The following MTMR10 variants were observed in gnomAD, a reference collection of about 807,000 sequenced individuals.
The protein encoded by MTMR10 is myotubularin-related protein 10.
In MTMR10, 56 loss-of-function variants were observed where a neutral mutation model predicts 88.1. The observed-to-expected ratio is 0.64, with a 90% CI of 0.51 to 0.79. The LOEUF (loss-of-function observed/expected upper bound fraction) is 0.79. Ranked by LOEUF, MTMR10 falls within the 30% of genes least tolerant of loss-of-function variation. The pLI, the probability that MTMR10 is intolerant of heterozygous loss-of-function variation, is 0.00. For synonymous variants in MTMR10, 380 were observed against 340.9 expected, an observed-to-expected ratio of 1.11 and a Z score of -1.26; for missense variants, 883 against 924.7, an observed-to-expected ratio of 0.95 and a Z score of 0.58.
intron 2 of MTMR10, among the ~76,000 whole-genome samples, chr15:30,985,039 A>G (rs548960298): frequency 2.0e-5 from 3 of 152,352 alleles, no homozygotes; most frequent in Admixed American, 1.3e-4. Context: ...CATCAAGCAC[A>G]CACTCAATAC....
At chr15:30,946,606 A>C in intron 14 of MTMR10, 9 of 633,720 alleles carry the variant, frequency 1.4e-5, no homozygotes, top group Non-Finnish European at 2.5e-5. Flanking sequence ...GGCATTTGTC[A>C]GCTTCTGTTG....
At chr15:30,980,386 A>C (rs957681502) in intron 2 of MTMR10, among the ~76,000 whole-genome samples, 2 of 152,238 alleles carry the variant, frequency 1.3e-5, no homozygotes, top group African/African-American at 4.8e-5. Context: ...AAAAAGCAAA[A>C]GCAAGAATTT....
intron 13 of MTMR10, among the ~76,000 whole-genome samples, chr15:30,947,959 C>T (rs890621279): frequency 2.0e-5 from 3 of 152,176 alleles, no homozygotes; most frequent in African/African-American, 7.2e-5. Flanking sequence ...TTCATCTTAA[C>T]CTATGTATCC....
At chr15:30,926,983 C>T in the MTMR10 span, 3 of 985,440 alleles carry the variant, frequency 3.0e-6, no homozygotes, top group South Asian at 4.7e-5. Flanking sequence ...AATGATTTCA[C>T]TTATAACACA....
intron 14 of MTMR10, among the ~76,000 whole-genome samples, chr15:30,945,026 A>G (rs1025786820): frequency 2.0e-5 from 3 of 150,964 alleles, no homozygotes; most frequent in Admixed American, 6.6e-5. Flanking sequence ...AAAAAAAAAG[A>G]TGTTCTCTTT....
At chr15:30,981,347 CAG>C (rs1210872152) in intron 2 of MTMR10, among the ~76,000 whole-genome samples, 5 of 152,248 alleles carry the variant, frequency 3.3e-5, no homozygotes, top group South Asian at 2.1e-4. Flanking sequence ...AGAAACCTGA[CAG>C]ATATCACTTT....
At chr15:30,924,512 A>C in the MTMR10 span, among the ~76,000 whole-genome samples, 1 of 152,036 alleles carries the variant, frequency 6.6e-6, no homozygotes, top group Non-Finnish European at 1.5e-5. Flanking sequence ...CATGTTTCTG[A>C]TTATAGCCAT....
chr15:30,925,310 G>C, the MTMR10 span: 2 of 1,610,022 alleles, frequency 1.2e-6, no homozygotes, highest in South Asian at 2.2e-5. Context: ...AGAGCCTGTG[G>C]GTGCTTTGGA....
chr15:30,925,415 C>T, the MTMR10 span: 26 of 935,134 alleles, frequency 2.8e-5, no homozygotes, highest in Admixed American at 1.1e-4. Context: ...ATCTAAAACT[C>T]GTTTTGGACG....
chr15:30,942,607 G>A (rs959033855), intron 15 of MTMR10: 24 of 395,144 alleles, frequency 6.1e-5, no homozygotes, highest in African/African-American at 4.1e-4. Context: ...CCACAGTGGC[G>A]GCTTGAATCA....
intron 9 of MTMR10, among the ~76,000 whole-genome samples, chr15:30,957,093 C>T (rs1194597226): frequency 6.6e-6 from 1 of 152,130 alleles, no homozygotes; most frequent in Non-Finnish European, 1.5e-5. Flanking sequence ...CTGGCTGTAC[C>T]AAAAAGGACT....
the MTMR10 span, chr15:30,928,103 C>T: frequency 7.0e-6 from 7 of 1,000,602 alleles, no homozygotes; most frequent in African/African-American, 5.2e-5. Flanking sequence ...TGCCGGCCTC[C>T]GGGAGGTCCC....
In MTMR10 at chr15:30,941,707, C is replaced by T. The variant is rs1281333094; in HGVS notation, c.2097G>A (p.Gln699=). 6.2e-7 allele frequency: 1 copy of T among 1,613,890 alleles called. No homozygotes were observed. Among genetic ancestry groups the T allele is most frequent in the South Asian group, 1.1e-5 (1 of 91,068 alleles). The stretch of plus-strand genomic sequence containing the variant: ...AGCAGGCCTCCAGGGGGCCACTGCG[C>T]TGTTGCCGCAGCATCCTGCTCAGTA... ...VDVLSRMLRQ[Q]RSGPLEACYG... The change falls in exon 16 of 16, where the codon CAG becomes CAA. Residue 699 remains glutamine (Q), a synonymous_variant. Coordinates refer to ENST00000435680, the MANE Select transcript of MTMR10 (RefSeq NM_017762.3).
chr15:30,925,785 T>G, the MTMR10 span: 2 of 1,614,086 alleles, frequency 1.2e-6, no homozygotes, highest in Non-Finnish European at 1.7e-6. Flanking sequence ...TGCTGCTGTT[T>G]CAGGTGACCA....
chr15:30,938,687 A>T (rs1399754658), downstream of MTMR10, among the ~76,000 whole-genome samples: 1 of 151,952 alleles, frequency 6.6e-6, no homozygotes, highest in African/African-American at 2.4e-5. Context: ...TTCTTGGGGG[A>T]ATATTACTCC....
At chr15:30,928,906 C>A in the MTMR10 span, 4 of 567,724 alleles carry the variant, frequency 7.0e-6, no homozygotes, top group Non-Finnish European at 8.9e-6. Context: ...GTACCATCAG[C>A]ATCAGCCCTC....
the MTMR10 span, among the ~76,000 whole-genome samples, chr15:30,918,996 T>C: frequency 6.6e-6 from 1 of 152,206 alleles, no homozygotes; most frequent in Non-Finnish European, 1.5e-5. Context: ...ACCGATTACA[T>C]AGTCAATTAA....
At chr15:30,935,223 G>A (rs1191018821), downstream of MTMR10, among the ~76,000 whole-genome samples, 1 of 151,974 alleles carries the variant, frequency 6.6e-6, no homozygotes, top group East Asian at 1.9e-4. Context: ...TGAGAGAACT[G>A]CTTGAGGCTG....
chr15:30,935,049 T>G (rs1417619313), downstream of MTMR10, among the ~76,000 whole-genome samples: 1 of 152,160 alleles, frequency 6.6e-6, no homozygotes, highest in Non-Finnish European at 1.5e-5. Flanking sequence ...TTCACGCCTG[T>G]AATTCCAGCA....
Sources: allele counts gnomAD v4.1 joint callset (sites outside exome capture counted in the v4.1 genomes callset), GRCh38; gene constraint gnomAD v4.1.1; transcripts MANE v1.5; gene names NCBI Gene and HGNC (gene_info 2026-07-23, HGNC 2026-07-21).